The following TBL1XR1 variants were observed in gnomAD, a reference collection of about 807,000 sequenced individuals.
The protein encoded by TBL1XR1 is F-box-like/WD repeat-containing protein TBL1XR1.
Under a neutral mutation model 66.9 loss-of-function variants are expected in TBL1XR1, and 5 were observed. The observed-to-expected ratio is 0.07, with a 90% CI of 0.04 to 0.16. The LOEUF is 0.16. TBL1XR1 is among the 10% of genes least tolerant of loss of function. TBL1XR1 has a pLI of 1.00. For missense variants in TBL1XR1, 238 were observed against 623.2 expected, an observed-to-expected ratio of 0.38 and a Z score of 6.58; for synonymous variants, 210 against 206.0, an observed-to-expected ratio of 1.02 and a Z score of -0.17.
chr3:177,193,975 A>G (rs1736498316), intron 1 of TBL1XR1: 1 of 152,192 alleles, frequency 6.6e-6, no homozygotes, highest in Admixed American at 6.5e-5. Flanking sequence ...CAGCATAGAA[A>G]GCACCTCACA....
At chr3:177,091,839 C>T (rs1419351718) in intron 2 of TBL1XR1, among the ~76,000 whole-genome samples, 1 of 152,064 alleles carries the variant, frequency 6.6e-6, no homozygotes, top group African/African-American at 2.4e-5. Context: ...ATCTGTGCCA[C>T]AAAGTAACGA....
chr3:177,193,692 G>C (rs1430619925), intron 1 of TBL1XR1, among the ~76,000 whole-genome samples: 1 of 152,046 alleles, frequency 6.6e-6, no homozygotes, highest in East Asian at 1.9e-4. Context: ...GTAATCACTC[G>C]ACCCATTTAG....
chr3:177,170,183 C>T (rs1162264555), intron 1 of TBL1XR1, among the ~76,000 whole-genome samples: 1 of 152,056 alleles, frequency 6.6e-6, no homozygotes, highest in East Asian at 1.9e-4. Context: ...TGCAGCCCCA[C>T]TCAAATTCCT....
At chr3:177,081,386 C>T (rs550652689) in intron 2 of TBL1XR1, among the ~76,000 whole-genome samples, 1 of 152,262 alleles carries the variant, frequency 6.6e-6, no homozygotes, top group South Asian at 2.1e-4. Context: ...TGATCATGAG[C>T]TGTTTTCAGC....
At chr3:177,058,149 C>T (rs1483989) in intron 3 of TBL1XR1, among the ~76,000 whole-genome samples, 2 of 152,112 alleles carry the variant, frequency 1.3e-5, no homozygotes, top group Non-Finnish European at 2.9e-5. Flanking sequence ...AAAGGCAAAG[C>T]TTAAATATGA....
intron 1 of TBL1XR1, among the ~76,000 whole-genome samples, chr3:177,102,581 T>C (rs1246125227): frequency 1.3e-5 from 2 of 152,230 alleles, no homozygotes; most frequent in East Asian, 1.9e-4. Flanking sequence ...ATTGAAACTA[T>C]TGAAACTATT....
At chr3:177,121,304 G>A (rs996968998) in intron 1 of TBL1XR1, among the ~76,000 whole-genome samples, 3 of 152,178 alleles carry the variant, frequency 2.0e-5, no homozygotes, top group African/African-American at 7.2e-5. Context: ...AACATATGCA[G>A]ATAACTGTTG....
chr3:177,109,348 CAAGTCCCCTTTAAGAGAATA>C (rs1725273138), intron 1 of TBL1XR1, among the ~76,000 whole-genome samples: 1 of 152,042 alleles, frequency 6.6e-6, no homozygotes, highest in African/African-American at 2.4e-5. Context: ...AACTATCAAG[CAAGTCCCCTTTAAGAGAATA>C]GGAAGAAATG....
chr3:177,104,110 G>A (rs572300040), intron 1 of TBL1XR1, among the ~76,000 whole-genome samples: 7 of 125,362 alleles, frequency 5.6e-5, no homozygotes, highest in Admixed American at 2.7e-4. Context: ...AGCGAGACTC[G>A]GTCTCCAAAA....
chr3:177,105,299 A>G (rs967638733), intron 1 of TBL1XR1, among the ~76,000 whole-genome samples: 12 of 152,212 alleles, frequency 7.9e-5, no homozygotes, highest in Non-Finnish European at 5.9e-5. Flanking sequence ...AAAGTTTGAT[A>G]GCTGCTAAAC....
In TBL1XR1 at chr3:177,166,861, A is replaced by C. The variant is rs769004288; in HGVS notation, c.-122+30260T>G. On this transcript the variant is annotated intron_variant, in intron 1 of 15. Transcript: ENST00000457928. The stretch of plus-strand genomic sequence containing the variant: ...CACTGAAAACACCAAATGCTGGTGA[A>C]GATGTGGAGCAAGAGGACTCTCATT... Among the ~76,000 whole-genome samples the C allele has an allele frequency of 9.5e-4, 145 of 152,354 alleles. 1 individual carries two copies. Among genetic ancestry groups the C allele is most frequent in the Non-Finnish European group, 1.2e-3 (84 of 68,030 alleles).
chr3:177,042,213 ATCTT>A lies in TBL1XR1; in HGVS notation c.926-3783_926-3780del, dbSNP rs552919506. Among the ~76,000 whole-genome samples the A allele has an allele frequency of 5.9e-5, 9 of 152,242 alleles. No individual in the cohort carries two copies. In the East Asian group the frequency reaches 1.5e-3, roughly 26 times the overall value. On this transcript the variant is annotated intron_variant, in intron 10 of 15. Coordinates refer to ENST00000457928, the MANE Select transcript of TBL1XR1 (RefSeq NM_024665.7). ...AAAATTTTAATTTTTTTGGTTAGTA[ATCTT>A]TCTATTGTTAACAAGTGCAAAAAAA...
chr3:177,057,643 T>A (rs1004659250), intron 3 of TBL1XR1, among the ~76,000 whole-genome samples: 5 of 152,268 alleles, frequency 3.3e-5, no homozygotes, highest in Admixed American at 3.3e-4. Flanking sequence ...GAAAAAGGCT[T>A]TTTCCAGGGA....
chr3:177,091,472 T>A (rs1199721641), intron 2 of TBL1XR1, among the ~76,000 whole-genome samples: 1 of 152,126 alleles, frequency 6.6e-6, no homozygotes, highest in African/African-American at 2.4e-5. Context: ...GAGACATAGC[T>A]GATCTGAGGA....
At position 177,158,512 on chromosome 3, in the gene TBL1XR1, C is replaced by A. The variant is rs151045541; in HGVS notation, c.-122+38609G>T. 2.8e-3 allele frequency among the ~76,000 whole-genome samples: 422 copies of A among 152,246 alleles called. 3 individuals carry two copies. Among genetic ancestry groups the A allele is most frequent in the African/African-American group, 9.3e-3 (385 of 41,554 alleles). The stretch of plus-strand genomic sequence containing the variant: ...AATGTGCTGGGATTACCGGCGTGAA[C>A]CACCACGTCCGGCCAATATAGGAAT... On this transcript the variant is annotated intron_variant, in intron 1 of 15. Coordinates refer to ENST00000457928, the MANE Select transcript of TBL1XR1 (RefSeq NM_024665.7).
chr3:177,060,172 C>A (rs1235995401), intron 3 of TBL1XR1, among the ~76,000 whole-genome samples: 1 of 152,160 alleles, frequency 6.6e-6, no homozygotes, highest in Non-Finnish European at 1.5e-5. Context: ...TTGTGTGAGT[C>A]AATTCCCCCT....
intron 1 of TBL1XR1, among the ~76,000 whole-genome samples, chr3:177,171,903 A>G (rs1184155882): frequency 6.6e-6 from 1 of 152,088 alleles, no homozygotes; most frequent in African/African-American, 2.4e-5. Flanking sequence ...GGCCAGCCTG[A>G]AAGAGGTGCC....
intron 1 of TBL1XR1, among the ~76,000 whole-genome samples, chr3:177,108,712 T>C (rs6783307): frequency 1.3e-5 from 2 of 152,092 alleles, no homozygotes; most frequent in African/African-American, 2.4e-5. Context: ...AGCAAAAAAA[T>C]TGTTTGAATT....
chr3:177,129,590 A>T (rs1728043377), intron 1 of TBL1XR1, among the ~76,000 whole-genome samples: 1 of 152,216 alleles, frequency 6.6e-6, no homozygotes, highest in Non-Finnish European at 1.5e-5. Context: ...GGCTGGGGAT[A>T]GAGTAATGAC....
Sources: gnomAD v4.1 joint callset for allele counts (sites outside exome capture counted in the v4.1 genomes callset) on GRCh38, gnomAD v4.1.1 for gene constraint, MANE v1.5 for transcripts, NCBI Gene and HGNC (gene_info 2026-07-23, HGNC 2026-07-21) for gene names.